Variants in PIK3CA observed in about 807,000 individuals in gnomAD.
PIK3CA encodes the protein phosphatidylinositol-4,5-bisphosphate 3-kinase catalytic subunit alpha.
Under a neutral mutation model 138.2 loss-of-function variants are expected in PIK3CA, and 27 were observed. The observed-to-expected ratio is 0.20, with a 90% confidence interval of 0.14 to 0.27. The LOEUF is 0.27. Ranked by LOEUF, PIK3CA falls within the 10% of genes least tolerant of loss-of-function variation. The pLI is 1.00. For missense variants in PIK3CA, 544 were observed against 1,277.4 expected, an observed-to-expected ratio of 0.43 and a Z score of 8.75; for synonymous variants, 358 against 413.2, an observed-to-expected ratio of 0.87 and a Z score of 1.62.
intron 17 of PIK3CA, among the ~76,000 whole-genome samples, chr3:179,228,740 A>G (rs1268598425): frequency 6.6e-6 from 1 of 152,048 alleles, no homozygotes; most frequent in Admixed American, 6.6e-5. Flanking sequence ...GAAATATGTT[A>G]CTTATATTAA....
rs577569925 is a variant in PIK3CA at position 179,184,597 on chromosome 3, G to T, written c.-76-14153G>T. Among the ~76,000 whole-genome samples the T allele has an allele frequency of 3.3e-5, 5 of 152,314 alleles. No homozygotes were observed. The South Asian group carries it at 1.0e-3, about 32-fold the overall frequency. On this transcript the variant is annotated intron_variant, in intron 1 of 20. Transcript: ENST00000263967. Reference sequence around the variant, plus strand: ...ATAGTCCAAAGCAAAAAGACCTTCTGTGAAACATATGTGGATGCAATTAGG... The same window carrying T: ...ATAGTCCAAAGCAAAAAGACCTTCTTTGAAACATATGTGGATGCAATTAGG...
intron 1 of PIK3CA, among the ~76,000 whole-genome samples, chr3:179,196,801 G>A (rs1724275682): frequency 6.6e-6 from 1 of 152,144 alleles, no homozygotes; most frequent in Non-Finnish European, 1.5e-5. Context: ...TGGATTATAG[G>A]GGGCAGGCAT....
At chr3:179,213,143 G>A (rs1724757247) in intron 9 of PIK3CA, among the ~76,000 whole-genome samples, 1 of 152,290 alleles carries the variant, frequency 6.6e-6, no homozygotes, top group Non-Finnish European at 1.5e-5. Context: ...TTGGGTTCAG[G>A]AAAGACCTCT....
At chr3:179,149,842 A>G (rs531040842) in intron 1 of PIK3CA, 3 of 152,338 alleles carry the variant, frequency 2.0e-5, no homozygotes, top group African/African-American at 4.8e-5. Context: ...CTTACATTGC[A>G]CCGTACAAAA....
At chr3:179,228,192 A>T (rs1015014096) in intron 17 of PIK3CA, among the ~76,000 whole-genome samples, 2 of 152,088 alleles carry the variant, frequency 1.3e-5, no homozygotes, top group African/African-American at 4.8e-5. Flanking sequence ...TCTAATTTTC[A>T]TTATCTGCCG....
chr3:179,183,203 C>CAT (rs1253934984), intron 1 of PIK3CA, among the ~76,000 whole-genome samples: 1 of 152,124 alleles, frequency 6.6e-6, no homozygotes, highest in Non-Finnish European at 1.5e-5. Flanking sequence ...TTATTACTAA[C>CAT]ATAATACTAG....
intron 9 of PIK3CA, 61 bp from the exon 10 acceptor site, chr3:179,218,149 T>C (rs1243088349): frequency 1.1e-5 from 15 of 1,360,974 alleles, no homozygotes; most frequent in Non-Finnish European, 1.5e-5. Flanking sequence ...AAATCATCTG[T>C]GAATCCAGAG....
chr3:179,233,385 A>G (rs182558405), intron 20 of PIK3CA: 19 of 396,190 alleles, frequency 4.8e-5, no homozygotes, highest in Non-Finnish European at 5.8e-5. Flanking sequence ...AGTCCCTTCT[A>G]TGCCTAGTTT....
chr3:179,212,603 C>G (rs1724742589), intron 9 of PIK3CA, among the ~76,000 whole-genome samples: 1 of 151,372 alleles, frequency 6.6e-6, no homozygotes, highest in Non-Finnish European at 1.5e-5. Context: ...GACTCCGTCT[C>G]AAAAAAACAA....
Position 179,202,832 on chromosome 3 carries a change from T to C in PIK3CA, c.814-712T>C, listed in dbSNP as rs530598097. The stretch of plus-strand genomic sequence containing the variant: ...AAGCAAGTGAACAGCAGCCTTTGGA[T>C]GGGACATCAGTATGACTTAATAGAT... On this transcript the variant is annotated intron_variant, in intron 4 of 20. Transcript: ENST00000263967. 3.3e-5 allele frequency among the ~76,000 whole-genome samples: 5 copies of C among 152,208 alleles called. No individual in the cohort carries two copies. In the East Asian group the frequency reaches 9.6e-4, roughly 29 times the overall value.
At chr3:179,224,667 AG>A (rs1202814645) in intron 15 of PIK3CA, 32 bp from the exon 16 acceptor site, 1 of 1,433,878 alleles carries the variant, frequency 7.0e-7, no homozygotes, top group East Asian at 2.3e-5. Context: ...AATAAAGCAA[AG>A]GTACCTAGTA....
intron 6 of PIK3CA, among the ~76,000 whole-genome samples, chr3:179,207,882 A>G (rs1215429818): frequency 1.3e-5 from 2 of 152,002 alleles, no homozygotes; most frequent in African/African-American, 4.8e-5. Context: ...TGTTTCTACA[A>G]TTATATGTGT....
At chr3:179,194,426 C>T (rs1576929880) in intron 1 of PIK3CA, among the ~76,000 whole-genome samples, 1 of 152,132 alleles carries the variant, frequency 6.6e-6, no homozygotes, top group East Asian at 1.9e-4. Flanking sequence ...GGTCTTGAGC[C>T]CAGGCTGGTC....
chr3:179,231,797 C>G (rs1470116434), intron 20 of PIK3CA, among the ~76,000 whole-genome samples: 1 of 151,874 alleles, frequency 6.6e-6, no homozygotes, highest in East Asian at 1.9e-4. Flanking sequence ...CACATGCCAC[C>G]ACACACGGCT....
intron 1 of PIK3CA, among the ~76,000 whole-genome samples, chr3:179,159,947 C>T (rs750250244): frequency 4.6e-5 from 7 of 151,846 alleles, no homozygotes; most frequent in African/African-American, 1.2e-4. Context: ...CAGTAAAATA[C>T]GGTGTAAAAA....
At chr3:179,200,213 A>G (rs1198023639) in intron 3 of PIK3CA, among the ~76,000 whole-genome samples, 1 of 152,050 alleles carries the variant, frequency 6.6e-6, no homozygotes, top group East Asian at 1.9e-4. Flanking sequence ...CATAAATAAA[A>G]ACTATAAATA....
chr3:179,180,101 G>T (rs1025195498), intron 1 of PIK3CA, among the ~76,000 whole-genome samples: 1 of 152,122 alleles, frequency 6.6e-6, no homozygotes, highest in African/African-American at 2.4e-5. Context: ...AGTTACTAGA[G>T]ATCCACAATA....
Position 179,198,782 on chromosome 3 carries a change from C to T in PIK3CA, c.-44C>T, listed in dbSNP as rs775318906. On this transcript the variant is annotated 5_prime_UTR_variant, in exon 2 of 21. Coordinates refer to ENST00000263967, the MANE Select transcript of PIK3CA (RefSeq NM_006218.4). ...CTTTGGGACAACCATACATCTAATT[C>T]CTTAAAGTAGTTTTATATGTAAAAC... 10 of 1,152,194 alleles carry T rather than the reference C, an allele frequency of 8.7e-6. 1 individual carries two copies. In the South Asian group the frequency reaches 1.7e-4, roughly 19 times the overall value. 71.4% of individuals were successfully genotyped at this position (1,152,194 alleles called of 1,614,324 possible). A position where few individuals can be genotyped will look rare whatever the true frequency, so the allele number is the denominator to read the frequency against.
In PIK3CA at chr3:179,199,817, T is replaced by C. The variant is rs2108387648; in HGVS notation, c.480T>C (p.His160=). The change falls in exon 3 of 21, where the codon CAT becomes CAC. Residue 160 remains histidine (H), a synonymous_variant. Transcript: ENST00000263967. ...AVDLRDLNSP[H]SRAMYVYPPN... ...ATCTTAGGGACCTCAATTCACCTCA[T>C]AGTAGAGCAATGTATGTCTATCCTC... The C allele has an allele frequency of 3.1e-6, 5 of 1,612,850 alleles. No homozygotes were observed. Among genetic ancestry groups the C allele is most frequent in the Non-Finnish European group, 4.2e-6 (5 of 1,178,928 alleles).
Sources: gnomAD v4.1 joint callset for allele counts (sites outside exome capture counted in the v4.1 genomes callset) on GRCh38, gnomAD v4.1.1 for gene constraint, MANE v1.5 for transcripts, NCBI Gene and HGNC (gene_info 2026-07-23, HGNC 2026-07-21) for gene names.